The following ATXN2 variants were observed in gnomAD, a reference collection of about 807,000 sequenced individuals.
ATXN2 encodes the protein ataxin-2.
Under a neutral mutation model 138.6 loss-of-function variants are expected in ATXN2, and 37 were observed. That is an observed-to-expected ratio of 0.27 (90% confidence interval 0.21 to 0.35). ATXN2 has a LOEUF of 0.35. Among genes scored for constraint, ATXN2 ranks in the 10% least tolerant of loss-of-function variants. The pLI is 1.00. For synonymous variants in ATXN2, 549 were observed against 543.7 expected, an observed-to-expected ratio of 1.01 and a Z score of -0.13; for missense variants, 1,216 against 1,480.3, an observed-to-expected ratio of 0.82 and a Z score of 2.93.
At chr12:111,480,828 T>C (rs1465662607) in intron 18 of ATXN2, among the ~76,000 whole-genome samples, 4 of 152,168 alleles carry the variant, frequency 2.6e-5, no homozygotes, top group Non-Finnish European at 2.9e-5. Flanking sequence ...TGTTAAGAGC[T>C]AAACTATAAA....
Position 111,534,676 on chromosome 12 carries a change from G to A in ATXN2, c.572-9360C>T, listed in dbSNP as rs535130844. 7.6e-4 allele frequency among the ~76,000 whole-genome samples: 115 copies of A among 152,202 alleles called. 2 individuals are homozygous for A. In the South Asian group the frequency reaches 0.011, roughly 15 times the overall value. ...CACTGGTTCTCCAACTGTACTTCAT[G>A]ACACCCTATGATGTCTTCAGGACAC... On this transcript the variant is annotated intron_variant, in intron 5 of 24. Transcript: ENST00000673436.
At chr12:111,525,775 C>G (rs1001776858) in intron 5 of ATXN2, among the ~76,000 whole-genome samples, 2 of 151,518 alleles carry the variant, frequency 1.3e-5, no homozygotes, top group African/African-American at 4.8e-5. Context: ...ACCTCTGCCT[C>G]CCGGGTTCAA....
At chr12:111,535,797 G>C (rs901335035) in intron 5 of ATXN2, among the ~76,000 whole-genome samples, 1 of 151,616 alleles carries the variant, frequency 6.6e-6, no homozygotes, top group Non-Finnish European at 1.5e-5. Context: ...TCAGGAGATC[G>C]AGACCATCCC....
intron 1 of ATXN2, among the ~76,000 whole-genome samples, chr12:111,580,520 A>G (rs1424088301): frequency 6.6e-6 from 1 of 151,138 alleles, no homozygotes; most frequent in East Asian, 2.0e-4. Flanking sequence ...AAAGAAAAAA[A>G]AAAAAAAGAT....
intron 21 of ATXN2, among the ~76,000 whole-genome samples, chr12:111,459,741 T>C (rs1005219116): frequency 8.0e-6 from 1 of 125,268 alleles, no homozygotes. Flanking sequence ...CGCCCGGCCA[T>C]GTTTGTTTAT....
At chr12:111,532,253 G>T (rs928825851) in intron 5 of ATXN2, among the ~76,000 whole-genome samples, 2 of 152,258 alleles carry the variant, frequency 1.3e-5, no homozygotes, top group African/African-American at 4.8e-5. Context: ...GCCAAGGCAG[G>T]CGGATCACTT....
chr12:111,516,664 T>C lies in ATXN2; in HGVS notation c.1166-301A>G, dbSNP rs1879874863. Among the ~76,000 whole-genome samples, 2 of 152,248 alleles carry C rather than the reference T, an allele frequency of 1.3e-5. No individual in the cohort carries two copies. Among genetic ancestry groups the C allele is most frequent in the African/African-American group, 2.4e-5 (1 of 41,472 alleles). On this transcript the variant is annotated intron_variant, in intron 9 of 24. Transcript: ENST00000673436. The surrounding 1 kb of genome is among the most constrained non-coding windows in gnomAD (Gnocchi z 5.0). ...ACTTTGCCTATTAATCCTGCTTCTA[T>C]AACTGTTTCTCAGTAACTGGTTGTT...
intron 21 of ATXN2, among the ~76,000 whole-genome samples, chr12:111,459,642 G>A (rs1435386403): frequency 1.3e-5 from 2 of 152,212 alleles, no homozygotes; most frequent in East Asian, 3.9e-4. Flanking sequence ...GTTTCACCAT[G>A]TTGGCCAGGC....
At chr12:111,495,320 A>AAC (rs1878347725) in intron 14 of ATXN2, among the ~76,000 whole-genome samples, 1 of 151,768 alleles carries the variant, frequency 6.6e-6, no homozygotes, top group African/African-American at 2.4e-5. Context: ...AAAAAAAAAA[A>AAC]AAAAAAACCA....
intron 15 of ATXN2, among the ~76,000 whole-genome samples, chr12:111,487,585 C>G (rs1006165671): frequency 6.6e-6 from 1 of 151,922 alleles, no homozygotes; most frequent in African/African-American, 2.4e-5. Flanking sequence ...CTCAGCCTCC[C>G]GAGTAGCTGG....
intron 5 of ATXN2, among the ~76,000 whole-genome samples, chr12:111,551,640 T>G (rs895127168): frequency 6.6e-6 from 1 of 152,180 alleles, no homozygotes; most frequent in African/African-American, 2.4e-5. Flanking sequence ...CATGCCCACT[T>G]ATAAACTAAA....
At chr12:111,455,262 A>G in intron 23 of ATXN2, 1 of 640,126 alleles carries the variant, frequency 1.6e-6, no homozygotes, top group Non-Finnish European at 2.9e-6. Context: ...CCAGCGTTAG[A>G]GCCCAACTTC....
intron 21 of ATXN2, among the ~76,000 whole-genome samples, chr12:111,464,461 C>T (rs902096471): frequency 6.6e-6 from 1 of 151,816 alleles, no homozygotes; most frequent in African/African-American, 2.4e-5. Context: ...ATTTCTGAAA[C>T]AACTCCATTT....
Position 111,452,773 on chromosome 12 carries a change from G to C in ATXN2, c.*39C>G. On this transcript the variant is annotated 3_prime_UTR_variant, in exon 25 of 25. Transcript: ENST00000673436. ...TCCAGTTGGTAGAAGCAGTAGAAGG[G>C]AGGAGGGAATTTGGCCTTTCGGTTC... 1 of 1,585,682 alleles carries C rather than the reference G, an allele frequency of 6.3e-7. No homozygotes were observed. Among genetic ancestry groups the C allele is most frequent in the Non-Finnish European group, 8.7e-7 (1 of 1,154,102 alleles).
At chr12:111,567,132 T>C (rs1268455638) in intron 1 of ATXN2, among the ~76,000 whole-genome samples, 2 of 151,478 alleles carry the variant, frequency 1.3e-5, no homozygotes, top group Non-Finnish European at 2.9e-5. Context: ...GCAAAGAAAG[T>C]GGTTTCTTAA....
intron 1 of ATXN2, among the ~76,000 whole-genome samples, chr12:111,594,899 C>T (rs576213823): frequency 6.6e-6 from 1 of 152,264 alleles, no homozygotes; most frequent in African/African-American, 2.4e-5. Flanking sequence ...GACAGATAAA[C>T]CAAGTACCCT....
intron 20 of ATXN2, chr12:111,469,411 T>G (rs1196855327): frequency 9.2e-5 from 14 of 152,200 alleles, no homozygotes; most frequent in Non-Finnish European, 4.4e-5. Flanking sequence ...ATCTATTATT[T>G]TGGTACTTTA....
intron 1 of ATXN2, among the ~76,000 whole-genome samples, chr12:111,593,254 C>T (rs1280667320): frequency 6.6e-6 from 1 of 151,722 alleles, no homozygotes; most frequent in Non-Finnish European, 1.5e-5. Flanking sequence ...CCACCATGCC[C>T]GGCTAATTTT....
intron 5 of ATXN2, among the ~76,000 whole-genome samples, chr12:111,542,970 A>T (rs925293751): frequency 5.3e-5 from 8 of 152,230 alleles, no homozygotes; most frequent in Admixed American, 5.2e-4. Flanking sequence ...TAAAAATTAT[A>T]AAACATGTAA....
Sources: gnomAD v4.1 joint callset for allele counts (sites outside exome capture counted in the v4.1 genomes callset) on GRCh38, gnomAD v4.1.1 for gene constraint, Gnocchi (gnomAD v3.1) non-coding constraint, MANE v1.5 for transcripts, NCBI Gene and HGNC (gene_info 2026-07-23, HGNC 2026-07-21) for gene names.